The following R3HDM2 variants were observed in gnomAD, a reference collection of about 807,000 sequenced individuals.
R3HDM2 encodes R3H domain containing 2, also known as R3H domain-containing protein 2.
Under a neutral mutation model 124.5 loss-of-function variants are expected in R3HDM2, and 38 were observed. The observed-to-expected ratio is 0.31, with a 90% confidence interval of 0.24 to 0.40. The LOEUF (loss-of-function observed/expected upper bound fraction) is 0.40. Ranked by LOEUF, R3HDM2 falls within the 10% of genes least tolerant of loss-of-function variation. The pLI, the probability that R3HDM2 is intolerant of heterozygous loss-of-function variation, is 1.00. For missense variants in R3HDM2, 869 were observed against 1,236.9 expected, an observed-to-expected ratio of 0.70 and a Z score of 4.46; for synonymous variants, 391 against 448.0, an observed-to-expected ratio of 0.87 and a Z score of 1.61.
At chr12:57,285,890 C>G (rs1297254950) in intron 12 of R3HDM2, among the ~76,000 whole-genome samples, 1 of 152,134 alleles carries the variant, frequency 6.6e-6, no homozygotes, top group African/African-American at 2.4e-5. Flanking sequence ...AAGCTAGGGC[C>G]AAAATGGCAG....
intron 2 of R3HDM2, among the ~76,000 whole-genome samples, chr12:57,358,028 G>A (rs1185466473): frequency 8.0e-5 from 12 of 150,842 alleles, no homozygotes; most frequent in Admixed American, 7.3e-4. Flanking sequence ...ACCCAGGCTG[G>A]AGTGTAGTGG....
At position 57,310,429 on chromosome 12, in the gene R3HDM2, G is replaced by C; in HGVS notation, c.-1C>G. 6.5e-7 allele frequency: 1 copy of C among 1,528,912 alleles called. No individual in the cohort carries two copies. Among genetic ancestry groups the C allele is most frequent in the Non-Finnish European group, 8.8e-7 (1 of 1,138,918 alleles). The allele number at this position is 1,528,912 out of a possible 1,614,324, so 94.7% of individuals were successfully genotyped here. ...CTTGAGTAGTGTTACTGTTAGACAT[G>C]TTCTTCAATAGAATACAGTGGCCTC... On this transcript the variant is annotated 5_prime_UTR_variant, in exon 3 of 24. Coordinates refer to ENST00000402412, the MANE Select transcript of R3HDM2 (RefSeq NM_001394031.1).
At chr12:57,354,396 G>T (rs749363074) in intron 2 of R3HDM2, among the ~76,000 whole-genome samples, 1 of 151,828 alleles carries the variant, frequency 6.6e-6, no homozygotes, top group Non-Finnish European at 1.5e-5. Context: ...AGGTTCAAGC[G>T]ATTCTCATGT....
chr12:57,414,241 T>G (rs2069317134), intron 1 of R3HDM2, among the ~76,000 whole-genome samples: 1 of 150,572 alleles, frequency 6.6e-6, no homozygotes, highest in African/African-American at 2.4e-5. Context: ...ATCCCAGCAC[T>G]CTGGGAGGCT....
intron 21 of R3HDM2, among the ~76,000 whole-genome samples, chr12:57,257,552 TTAAG>T (rs1216621834): frequency 6.6e-6 from 1 of 152,204 alleles, no homozygotes; most frequent in Non-Finnish European, 1.5e-5. Context: ...ACTTCTGAGT[TTAAG>T]TAACTTGTTG....
At chr12:57,395,649 C>T (rs753377209) in intron 2 of R3HDM2, 100 bp downstream of exon 2, 74 of 406,606 alleles carry the variant, frequency 1.8e-4, no homozygotes, top group Middle Eastern at 1.2e-3. Context: ...AATAACACTT[C>T]CAACACCATG....
chr12:57,274,129 G>C (rs2044174720), intron 14 of R3HDM2, among the ~76,000 whole-genome samples: 1 of 151,996 alleles, frequency 6.6e-6, no homozygotes, highest in African/African-American at 2.4e-5. Flanking sequence ...CATTCTTTTG[G>C]AGGAGAGTCT....
At chr12:57,318,752 C>T (rs1404814316) in intron 2 of R3HDM2, among the ~76,000 whole-genome samples, 2 of 152,058 alleles carry the variant, frequency 1.3e-5, no homozygotes, top group African/African-American at 2.4e-5. Context: ...TTACATTGTG[C>T]CAGGCACTAT....
intron 14 of R3HDM2, among the ~76,000 whole-genome samples, chr12:57,279,223 C>T (rs913502398): frequency 6.8e-6 from 1 of 147,666 alleles, no homozygotes. Flanking sequence ...TACTCTGTCG[C>T]CCAGGCTAGA....
At chr12:57,366,817 G>T (rs764902777) in intron 2 of R3HDM2, among the ~76,000 whole-genome samples, 1 of 152,120 alleles carries the variant, frequency 6.6e-6, no homozygotes, top group Non-Finnish European at 1.5e-5. Context: ...AGCCTCCTGA[G>T]TAGCTGGGAC....
At chr12:57,368,677 A>G (rs923148434) in intron 2 of R3HDM2, among the ~76,000 whole-genome samples, 4 of 152,176 alleles carry the variant, frequency 2.6e-5, no homozygotes, top group African/African-American at 4.8e-5. Flanking sequence ...GAGGAGTTAC[A>G]CTATCCATGA....
chr12:57,349,379 C>CAAAAAAAAAAAAAAA lies in R3HDM2; in HGVS notation c.-35-38931_-35-38917dup, dbSNP rs1161831845. Among the ~76,000 whole-genome samples the CAAAAAAAAAAAAAAA allele has an allele frequency of 1.3e-3, 75 of 57,746 alleles. 1 individual carries two copies. Among genetic ancestry groups the CAAAAAAAAAAAAAAA allele is most frequent in the East Asian group, 3.5e-3 (5 of 1,436 alleles). 37.9% of individuals were successfully genotyped at this position (57,746 alleles called of 152,430 possible). ...TGCCGACAGAGCGAGACTCCGTCTC[C>CAAAAAAAAAAAAAAA]AAAAAAAAAAAAAAAAAAAAAAAAA... On this transcript the variant is annotated intron_variant, in intron 2 of 23. Transcript: ENST00000402412.
At chr12:57,429,151 CTGAGGCCAGAGGATCACT>C (rs1368775760) in intron 1 of R3HDM2, among the ~76,000 whole-genome samples, 1 of 152,118 alleles carries the variant, frequency 6.6e-6, no homozygotes, top group Non-Finnish European at 1.5e-5. Context: ...TTTTGGGAGT[CTGAGGCCAGAGGATCACT>C]TGAGGCCAGG....
chr12:57,273,878 A>G (rs1277665314), intron 14 of R3HDM2, among the ~76,000 whole-genome samples: 1 of 152,180 alleles, frequency 6.6e-6, no homozygotes, highest in Non-Finnish European at 1.5e-5. Context: ...CAGGAATTAG[A>G]AGACTCTCCA....
chr12:57,262,556 C>T (rs1207465143), intron 19 of R3HDM2, among the ~76,000 whole-genome samples: 1 of 152,124 alleles, frequency 6.6e-6, no homozygotes, highest in East Asian at 1.9e-4. Flanking sequence ...TATTAATAAA[C>T]CAGAACAGTT....
At chr12:57,429,160 G>C (rs993153653) in intron 1 of R3HDM2, among the ~76,000 whole-genome samples, 1 of 152,146 alleles carries the variant, frequency 6.6e-6, no homozygotes, top group Non-Finnish European at 1.5e-5. Context: ...TCTGAGGCCA[G>C]AGGATCACTT....
At chr12:57,391,750 T>C (rs1352278705) in intron 2 of R3HDM2, among the ~76,000 whole-genome samples, 7 of 152,258 alleles carry the variant, frequency 4.6e-5, no homozygotes, top group Admixed American at 1.3e-4. Context: ...TATAAATCTA[T>C]ACTTGTTTCA....
chr12:57,423,491 T>C (rs2070405848), intron 1 of R3HDM2, among the ~76,000 whole-genome samples: 2 of 151,388 alleles, frequency 1.3e-5, no homozygotes, highest in Non-Finnish European at 2.9e-5. Flanking sequence ...TTGATTTTGA[T>C]GGTTGCTGGG....
intron 2 of R3HDM2, among the ~76,000 whole-genome samples, chr12:57,368,401 G>GT (rs2062912282): frequency 6.6e-6 from 1 of 152,170 alleles, no homozygotes; most frequent in African/African-American, 2.4e-5. Flanking sequence ...CTCTTAGGAA[G>GT]TAATGTTAAA....
Sources: allele counts gnomAD v4.1 joint callset (sites outside exome capture counted in the v4.1 genomes callset), GRCh38; gene constraint gnomAD v4.1.1; transcripts MANE v1.5; gene names NCBI Gene and HGNC (gene_info 2026-07-23, HGNC 2026-07-21).